The following GALNTL6 variants were observed in gnomAD, a reference collection of about 807,000 sequenced individuals.
GALNTL6 encodes polypeptide N-acetylgalactosaminyltransferase-like 6.
A neutral mutation model predicts 73.7 loss-of-function variants in GALNTL6; 46 were observed. That is an observed-to-expected ratio of 0.62 (90% CI 0.49 to 0.80). The LOEUF (loss-of-function observed/expected upper bound fraction) is 0.80. Among genes scored for constraint, GALNTL6 ranks in the 30% least tolerant of loss-of-function variants. GALNTL6 has a pLI of 0.00. For missense variants in GALNTL6, 604 were observed against 755.0 expected, an observed-to-expected ratio of 0.80 and a Z score of 2.34; for synonymous variants, 259 against 263.7, an observed-to-expected ratio of 0.98 and a Z score of 0.17.
chr4:172,496,000 A>C (rs1734058923), intron 5 of GALNTL6, among the ~76,000 whole-genome samples: 1 of 152,236 alleles, frequency 6.6e-6, no homozygotes, highest in Non-Finnish European at 1.5e-5. Context: ...AACATCTAAA[A>C]GTAATAAACT....
chr4:172,501,582 A>C (rs1561113657), intron 5 of GALNTL6, among the ~76,000 whole-genome samples: 1 of 152,248 alleles, frequency 6.6e-6, no homozygotes, highest in African/African-American at 2.4e-5. Context: ...TGAAGTTGCT[A>C]AGTATGTACT....
chr4:172,892,723 G>C (rs913218938), intron 8 of GALNTL6, among the ~76,000 whole-genome samples: 9 of 151,816 alleles, frequency 5.9e-5, no homozygotes, highest in African/African-American at 2.2e-4. Flanking sequence ...GGGAGATGGG[G>C]GGCAAGAGAT....
intron 3 of GALNTL6, among the ~76,000 whole-genome samples, chr4:172,237,449 TGTTA>T (rs1174725111): frequency 6.6e-6 from 1 of 152,206 alleles, no homozygotes; most frequent in African/African-American, 2.4e-5. Flanking sequence ...ACTTTTTGCT[TGTTA>T]AAGTGTGTAA....
At chr4:172,895,654 A>G (rs1040247859) in intron 8 of GALNTL6, among the ~76,000 whole-genome samples, 5 of 152,060 alleles carry the variant, frequency 3.3e-5, no homozygotes, top group Non-Finnish European at 7.4e-5. Context: ...GGGTATTTAT[A>G]TCTTTCTCAA....
At chr4:172,849,287 A>C (rs1246270934) in intron 7 of GALNTL6, among the ~76,000 whole-genome samples, 1 of 152,220 alleles carries the variant, frequency 6.6e-6, no homozygotes, top group Admixed American at 6.5e-5. Context: ...AATTCTCAGG[A>C]TATTGAACAA....
At chr4:172,442,325 C>T (rs188787821) in intron 5 of GALNTL6, among the ~76,000 whole-genome samples, 1 of 152,092 alleles carries the variant, frequency 6.6e-6, no homozygotes, top group African/African-American at 2.4e-5. Flanking sequence ...ATCTCGATCA[C>T]CTGTATATTT....
intron 5 of GALNTL6, among the ~76,000 whole-genome samples, chr4:172,690,937 T>C (rs1208521954): frequency 6.6e-6 from 1 of 152,180 alleles, no homozygotes; most frequent in Non-Finnish European, 1.5e-5. Flanking sequence ...GAGGGAGTAT[T>C]GTAGAAATAC....
intron 2 of GALNTL6, among the ~76,000 whole-genome samples, chr4:172,027,707 G>A (rs1051012167): frequency 1.2e-4 from 18 of 152,118 alleles, no homozygotes; most frequent in African/African-American, 4.3e-4. Context: ...TGGGCCAAAA[G>A]CTAGGTCTTC....
Position 172,867,608 on chromosome 4 carries a change from G to A in GALNTL6, c.924-15182G>A, listed in dbSNP as rs373425615. ...ACAATGTGGTGAGGGCAAAGGAGAC[G>A]AAGGTGCACAATGCTTTCTGAGCAC... On this transcript the variant is annotated intron_variant, in intron 7 of 12. Transcript: ENST00000506823. 2.0e-4 allele frequency among the ~76,000 whole-genome samples: 30 copies of A among 152,316 alleles called. No homozygotes were observed. The East Asian group carries it at 3.7e-3, about 19-fold the overall frequency.
At chr4:172,237,770 T>G (rs979118806) in intron 3 of GALNTL6, among the ~76,000 whole-genome samples, 3 of 152,176 alleles carry the variant, frequency 2.0e-5, no homozygotes, top group Admixed American at 2.0e-4. Flanking sequence ...TTTTATATTA[T>G]GTAAGGAAGT....
At chr4:172,717,423 A>G (rs754233097) in intron 5 of GALNTL6, among the ~76,000 whole-genome samples, 3 of 152,206 alleles carry the variant, frequency 2.0e-5, no homozygotes, top group Non-Finnish European at 2.9e-5. Context: ...CAATGTGCTA[A>G]CGCAGTCCAC....
chr4:172,683,721 T>C (rs191591113), intron 5 of GALNTL6, among the ~76,000 whole-genome samples: 1 of 152,326 alleles, frequency 6.6e-6, no homozygotes, highest in Admixed American at 6.5e-5. Flanking sequence ...AACTTCTAGC[T>C]AGGGACACAT....
intron 2 of GALNTL6, among the ~76,000 whole-genome samples, chr4:172,160,638 A>C (rs1000656568): frequency 6.6e-6 from 1 of 152,096 alleles, no homozygotes; most frequent in African/African-American, 2.4e-5. Flanking sequence ...AATGGGTGGC[A>C]TTAGCAACTG....
At chr4:171,985,660 G>A (rs959627739) in intron 2 of GALNTL6, among the ~76,000 whole-genome samples, 1 of 151,980 alleles carries the variant, frequency 6.6e-6, no homozygotes, top group African/African-American at 2.4e-5. Flanking sequence ...GCATTTTGAT[G>A]TTTGTTTGAG....
intron 5 of GALNTL6, among the ~76,000 whole-genome samples, chr4:172,487,942 GC>G (rs1733758148): frequency 6.6e-6 from 1 of 152,154 alleles, no homozygotes; most frequent in Non-Finnish European, 1.5e-5. Flanking sequence ...AGAGAATAGA[GC>G]AAGGCTGCCA....
chr4:172,685,767 G>A (rs180710013), intron 5 of GALNTL6, among the ~76,000 whole-genome samples: 1,850 of 151,210 alleles, frequency 0.012, 19 homozygotes, highest in Middle Eastern at 0.017. Flanking sequence ...GGCGACTTTA[G>A]AAAAAAAAAT....
intron 10 of GALNTL6, among the ~76,000 whole-genome samples, chr4:172,952,872 A>G (rs993573989): frequency 6.6e-6 from 1 of 152,206 alleles, no homozygotes; most frequent in Non-Finnish European, 1.5e-5. Context: ...GGAAATCACC[A>G]TCGGCGTTTG....
intron 5 of GALNTL6, among the ~76,000 whole-genome samples, chr4:172,372,334 C>A (rs1261048045): frequency 6.6e-6 from 1 of 152,108 alleles, no homozygotes; most frequent in Non-Finnish European, 1.5e-5. Flanking sequence ...AAGCACCGGT[C>A]CCTCAAGGAG....
At chr4:171,826,238 G>T (rs145633930) in intron 2 of GALNTL6, among the ~76,000 whole-genome samples, 1 of 152,082 alleles carries the variant, frequency 6.6e-6, no homozygotes, top group South Asian at 2.1e-4. Flanking sequence ...TTCACTGTGA[G>T]TATAGGATTT....
Sources: gnomAD v4.1 joint callset for allele counts (sites outside exome capture counted in the v4.1 genomes callset) on GRCh38, gnomAD v4.1.1 for gene constraint, MANE v1.5 for transcripts, NCBI Gene and HGNC (gene_info 2026-07-23, HGNC 2026-07-21) for gene names.